The following FHIT variants were observed in gnomAD, a reference collection of about 807,000 sequenced individuals.
The protein encoded by FHIT is bis(5'-adenosyl)-triphosphatase.
Under a neutral mutation model 17.9 loss-of-function variants are expected in FHIT, and 19 were observed. That is an observed-to-expected ratio of 1.06 (90% CI 0.74 to 1.56). The LOEUF is 1.56. Ranked by LOEUF, FHIT falls within the 40% of genes most tolerant of loss-of-function variation. FHIT has a pLI of 0.00. For synonymous variants in FHIT, 81 were observed against 69.7 expected (o/e 1.16, Z -0.81); for missense variants, 248 against 189.2 (o/e 1.31, Z -1.82).
intron 5 of FHIT, among the ~76,000 whole-genome samples, chr3:60,485,093 C>T (rs878939572): frequency 1.3e-5 from 2 of 152,020 alleles, no homozygotes; most frequent in East Asian, 3.9e-4. Flanking sequence ...CAAATCAAAA[C>T]CATAATGAGA....
intron 4 of FHIT, among the ~76,000 whole-genome samples, chr3:60,561,046 G>A (rs2107643693): frequency 6.6e-6 from 1 of 152,020 alleles, no homozygotes; most frequent in Admixed American, 6.5e-5. Flanking sequence ...TCAGCTGAAT[G>A]AACAAATGGA....
At chr3:59,944,369 T>C (rs1218742657) in intron 7 of FHIT, among the ~76,000 whole-genome samples, 1 of 152,182 alleles carries the variant, frequency 6.6e-6, no homozygotes, top group East Asian at 1.9e-4. Context: ...ATTGTAATCC[T>C]TTGGGGAGGC....
intron 7 of FHIT, among the ~76,000 whole-genome samples, chr3:59,938,827 C>T (rs928466507): frequency 6.6e-6 from 1 of 152,114 alleles, no homozygotes; most frequent in African/African-American, 2.4e-5. Flanking sequence ...AACCCAGGAG[C>T]TCTGATTTGA....
At chr3:61,138,194 A>G (rs1415676830) in intron 2 of FHIT, among the ~76,000 whole-genome samples, 2 of 152,160 alleles carry the variant, frequency 1.3e-5, no homozygotes. Context: ...CTATCTACAA[A>G]TATGTCTTAG....
intron 5 of FHIT, among the ~76,000 whole-genome samples, chr3:60,052,054 A>G (rs556631467): frequency 9.9e-5 from 15 of 152,248 alleles, no homozygotes; most frequent in African/African-American, 3.6e-4. Context: ...TTAATGGGGA[A>G]AAGTCATACC....
At chr3:60,122,461 A>G (rs1157150599) in intron 5 of FHIT, among the ~76,000 whole-genome samples, 1 of 152,180 alleles carries the variant, frequency 6.6e-6, no homozygotes, top group East Asian at 1.9e-4. Flanking sequence ...ATCCATGAGG[A>G]AACATGAACG....
intron 5 of FHIT, among the ~76,000 whole-genome samples, chr3:60,254,975 A>G (rs1403999908): frequency 2.0e-5 from 3 of 152,194 alleles, no homozygotes; most frequent in African/African-American, 7.2e-5. Context: ...TGTTCTTGAC[A>G]TATTTTTTCA....
Position 60,886,923 on chromosome 3 carries a change from A to T in FHIT, c.-110-64912T>A, listed in dbSNP as rs1705250162. 2.6e-5 allele frequency among the ~76,000 whole-genome samples: 4 copies of T among 152,212 alleles called. No homozygotes were observed. The South Asian group carries it at 8.3e-4, about 32-fold the overall frequency. On this transcript the variant is annotated intron_variant, in intron 3 of 9. Transcript: ENST00000492590. ...TCTTTTCAGAGTTTCAGTTTATAGC[A>T]TGCCGTGGTTTGTTATCCAGGGTGA...
intron 2 of FHIT, among the ~76,000 whole-genome samples, chr3:61,119,023 G>A (rs929319487): frequency 2.0e-5 from 3 of 152,082 alleles, no homozygotes; most frequent in Non-Finnish European, 2.9e-5. Flanking sequence ...AGTTTTGCAC[G>A]GAAGAGTGGT....
chr3:61,167,739 G>A (rs1191625810), intron 2 of FHIT, among the ~76,000 whole-genome samples: 2 of 151,776 alleles, frequency 1.3e-5, no homozygotes, highest in African/African-American at 2.4e-5. Context: ...AAGAAAAGAA[G>A]GTACCAAGAG....
At chr3:60,388,558 G>T (rs1348515588) in intron 5 of FHIT, among the ~76,000 whole-genome samples, 2 of 152,146 alleles carry the variant, frequency 1.3e-5, no homozygotes, top group East Asian at 3.8e-4. Flanking sequence ...CAGCGATCAT[G>T]CCACTACACT....
Position 60,720,435 on chromosome 3 carries a change from G to T in FHIT, c.-18+101484C>A, listed in dbSNP as rs529853196. On this transcript the variant is annotated intron_variant, in intron 4 of 9. Transcript: ENST00000492590. ...ATATGGTTATTGTGACAATCAAATG[G>T]ATTGAAACCTGTAAATCATTTAGCA... Among the ~76,000 whole-genome samples the T allele has an allele frequency of 1.4e-4, 21 of 152,264 alleles. No individual in the cohort carries two copies. In the South Asian group the frequency reaches 3.7e-3, roughly 27 times the overall value.
At chr3:60,252,637 C>T (rs570937647) in intron 5 of FHIT, among the ~76,000 whole-genome samples, 2 of 152,058 alleles carry the variant, frequency 1.3e-5, no homozygotes, top group Admixed American at 1.3e-4. Context: ...CACCTTTATT[C>T]CAGCAGCTAG....
chr3:59,922,353 T>G lies in FHIT; in HGVS notation c.341A>C (p.Tyr114Ser). Residue 114 changes from tyrosine (Y) to serine (S), a missense_variant, in exon 8 of 10, where the codon TAT becomes TCT. Transcript: ENST00000492590. ...AGDFHRNDSI[Y>S]EELQKHDKED... The stretch of plus-strand genomic sequence containing the variant: ...CAGAGAGAACAGACCCACCTCCTCA[T>G]AGATGCTGTCATTCCTGTGAAAGTC... The G allele has an allele frequency of 4.3e-6, 7 of 1,613,544 alleles. No homozygotes were observed. Among genetic ancestry groups the G allele is most frequent in the Non-Finnish European group, 5.9e-6 (7 of 1,179,520 alleles).
intron 5 of FHIT, among the ~76,000 whole-genome samples, chr3:60,062,586 C>T (rs929240473): frequency 3.3e-5 from 5 of 152,184 alleles, no homozygotes; most frequent in East Asian, 3.9e-4. Context: ...AGATCACGAT[C>T]TTTCTTCTAC....
chr3:60,332,064 C>T (rs898326828), intron 5 of FHIT, among the ~76,000 whole-genome samples: 1 of 152,034 alleles, frequency 6.6e-6, no homozygotes, highest in African/African-American at 2.4e-5. Context: ...CCACTAGATT[C>T]TTTCATTAAT....
intron 3 of FHIT, among the ~76,000 whole-genome samples, chr3:60,995,202 CCCAGCTACTCGGGAGGCTG>C (rs1043827321): frequency 6.6e-6 from 1 of 152,022 alleles, no homozygotes; most frequent in African/African-American, 2.4e-5. Flanking sequence ...GCGCCTGAGT[CCCAGCTACTCGGGAGGCTG>C]AGGCATGAGA....
At chr3:60,445,869 A>T (rs1016701602) in intron 5 of FHIT, among the ~76,000 whole-genome samples, 1 of 152,148 alleles carries the variant, frequency 6.6e-6, no homozygotes, top group Non-Finnish European at 1.5e-5. Flanking sequence ...CAGAGAGAAA[A>T]TGTGAAACTG....
chr3:60,615,709 T>G (rs1034182240), intron 4 of FHIT, among the ~76,000 whole-genome samples: 1 of 152,300 alleles, frequency 6.6e-6, no homozygotes, highest in East Asian at 1.9e-4. Context: ...AGAAACAATC[T>G]TAACCTTTAA....
Sources: gnomAD v4.1 joint callset for allele counts (sites outside exome capture counted in the v4.1 genomes callset) on GRCh38, gnomAD v4.1.1 for gene constraint, MANE v1.5 for transcripts, NCBI Gene and HGNC (gene_info 2026-07-23, HGNC 2026-07-21) for gene names.